The following GRN variants were observed in gnomAD, a reference collection of about 807,000 sequenced individuals.
GRN encodes granulin precursor, also known as progranulin.
A neutral mutation model predicts 66.7 loss-of-function variants in GRN; 30 were observed. The ratio of observed to expected loss-of-function variants is 0.45; its 90% CI spans 0.34 to 0.61. The LOEUF (loss-of-function observed/expected upper bound fraction) is 0.61, where lower values mean the gene tolerates loss of function less well. Ranked by LOEUF, GRN falls within the 20% of genes least tolerant of loss-of-function variation. The pLI is 0.01. For missense variants in GRN, 731 were observed against 803.5 expected, an observed-to-expected ratio of 0.91 and a Z score of 1.09; for synonymous variants, 327 against 311.1, an observed-to-expected ratio of 1.05 and a Z score of -0.54.
chr17:44,346,226 C>T, intron 1 of GRN: 1 of 153,486 alleles, frequency 6.5e-6, no homozygotes, highest in Non-Finnish European at 1.5e-5. Context: ...GTGCCAGCTG[C>T]AGGTGCTTTG....
In GRN at chr17:44,350,500, T is replaced by C. The variant is rs2048362228; in HGVS notation, c.521T>C (p.Val174Ala). Residue 174 changes from valine to alanine, a missense_variant, in exon 6 of 13, where the codon GTT becomes GCT. Transcript: ENST00000053867. ...CCPHGAFCDLVHTRCITPTGT... is the reference protein window; with the variant it reads ...CCPHGAFCDLAHTRCITPTGT... ...CCGCACGGTGCCTTCTGCGACCTGG[T>C]TCACACCCGCTGCATCACACCCACG... The C allele has an allele frequency of 1.9e-6, 3 of 1,613,818 alleles. No homozygotes were observed. The highest frequency in any genetic ancestry group is 2.7e-5 in the African/African-American group (2 of 74,872).
rs1466958461 is a variant in GRN at position 44,352,857 on chromosome 17, C to T, written c.*59C>T. ...CCCCACTCGGAGGGTGCCCTCTGCT[C>T]AGGCCTCCCTAGCACCTCCCCCTAA... On this transcript the variant is annotated 3_prime_UTR_variant, in exon 13 of 13. Coordinates refer to ENST00000053867, the MANE Select transcript of GRN (RefSeq NM_002087.4). The T allele has an allele frequency of 5.8e-6, 9 of 1,543,802 alleles. No individual in the cohort carries two copies. Among genetic ancestry groups the T allele is most frequent in the Non-Finnish European group, 8.0e-6 (9 of 1,128,552 alleles).
chr17:44,348,611 C>T (rs1354541781), intron 1 of GRN, among the ~76,000 whole-genome samples: 1 of 152,220 alleles, frequency 6.6e-6, no homozygotes, highest in Non-Finnish European at 1.5e-5. Context: ...ACAACTTTCT[C>T]ACCCCTGTGG....
rs375066213 is a variant in GRN at position 44,351,606 on chromosome 17, G to A, written c.990G>A (p.Thr330=). The change falls in exon 10 of 13, where the codon ACG becomes ACA. Residue 330 remains threonine, a synonymous_variant. Coordinates refer to ENST00000053867, the MANE Select transcript of GRN (RefSeq NM_002087.4). ...GTCCCGCGGGGTTTACGTGTGACAC[G>A]CAGAAGGGTACCTGTGAACAGGGGC... The part of the protein sequence containing the change: ...HCCPAGFTCD[T]QKGTCEQGPH... The A allele has an allele frequency of 8.7e-6, 14 of 1,613,832 alleles. No homozygotes were observed. The highest frequency in any genetic ancestry group is 3.3e-5 in the South Asian group (3 of 91,084).
At chr17:44,349,870 A>G (rs1211184678) in intron 4 of GRN, 119 bp downstream of exon 4, 1 of 733,450 alleles carries the variant, frequency 1.4e-6, no homozygotes, top group Admixed American at 2.1e-5. Flanking sequence ...TTCATGTGGC[A>G]TCTGTACTAA....
chr17:44,352,113 G>A lies in GRN; in HGVS notation c.1278G>A (p.Leu426=), dbSNP rs910843184. 2 of 1,613,800 alleles carry A rather than the reference G, an allele frequency of 1.2e-6. No homozygotes were observed. Among genetic ancestry groups the A allele is most frequent in the Admixed American group, 3.3e-5 (2 of 60,026 alleles). ...GAGGAAGCGAGATCGTGGCTGGACT[G>A]GAGAAGATGCCTGCCCGCCGGGCTT... ...CQRGSEIVAG[L]EKMPARRASL... Residue 426 remains leucine (L), a synonymous_variant, in exon 11 of 13, where the codon CTG becomes CTA. Transcript: ENST00000053867.
rs63749817 is a variant in GRN at position 44,350,801 on chromosome 17, G to A, written c.708+1G>A. 5.0e-6 allele frequency: 8 copies of A among 1,604,178 alleles called. No homozygotes were observed. Among genetic ancestry groups the A allele is most frequent in the Admixed American group, 1.7e-5 (1 of 59,998 alleles). On this transcript the variant is annotated splice_donor_variant, in intron 7 of 12. Transcript: ENST00000053867. LOFTEE classifies it high-confidence loss of function. ...GTATGGCTGCTGCCCAATGCCCAACGTGAGTGAGGGGCTGGAGCCAGCTTG... is the reference window on the plus strand; with the variant it reads ...GTATGGCTGCTGCCCAATGCCCAACATGAGTGAGGGGCTGGAGCCAGCTTG...
At chr17:44,345,612 G>T (rs1307186727) in intron 1 of GRN, 3 of 152,532 alleles carry the variant, frequency 2.0e-5, no homozygotes, top group African/African-American at 4.8e-5. Flanking sequence ...GTCGGTAGGT[G>T]CTGGCTTCTT....
Position 44,349,419 on chromosome 17 carries a change from T to C in GRN, c.139-7T>C. On this transcript the variant is annotated splice_polypyrimidine_tract_variant and splice_region_variant and intron_variant, in intron 2 of 12. Transcript: ENST00000053867. ...TCTGTGGTTTATCATTTTCCCTGTC[T>C]TTCTAGGACAAATGGCCCACAACAC... is the stretch of plus-strand genomic sequence containing the variant. The C allele has an allele frequency of 6.2e-7, 1 of 1,614,232 alleles. No individual in the cohort carries two copies. Among genetic ancestry groups the C allele is most frequent in the Non-Finnish European group, 8.5e-7 (1 of 1,180,050 alleles).
rs762910178 is a variant in GRN, at chr17:44,351,466, CA to C, written c.933+7del. 50 of 1,606,506 alleles carry C rather than the reference CA, an allele frequency of 3.1e-5. No individual in the cohort carries two copies. Among genetic ancestry groups the C allele is most frequent in the Non-Finnish European group, 3.9e-5 (46 of 1,174,092 alleles). On this transcript the variant is annotated splice_region_variant and intron_variant, in intron 9 of 12. Transcript: ENST00000053867. ...GCTGCTGCCCTTTTACCCAGGTACC[CA>C]GGGGTGGCGGGTGGGTGGGCTGAGC...
intron 4 of GRN, 130 bp from the exon 5 acceptor site, chr17:44,350,098 C>T (rs2048357422): frequency 2.6e-6 from 2 of 769,110 alleles, no homozygotes; most frequent in Non-Finnish European, 4.7e-6. Context: ...TAGGAGATCA[C>T]TGAGCCTTAG....
intron 4 of GRN, 88 bp from the exon 5 acceptor site, chr17:44,350,140 C>T: frequency 1.1e-6 from 1 of 932,866 alleles, no homozygotes; most frequent in Non-Finnish European, 1.8e-6. Context: ...GCTGGGCTTG[C>T]AGGCCCTGGT....
At chr17:44,351,871 G>A in intron 10 of GRN, 76 bp downstream of exon 10, 1 of 1,531,988 alleles carries the variant, frequency 6.5e-7, no homozygotes. Flanking sequence ...CCTCCGCATA[G>A]CCCATAGGTG....
chr17:44,350,830 G>A, intron 7 of GRN, 30 bp downstream of exon 7: 1 of 1,556,810 alleles, frequency 6.4e-7, no homozygotes, highest in Non-Finnish European at 8.9e-7. Context: ...CAGCTTGGCT[G>A]TGTGCCCCCA....
chr17:44,346,390 T>A (rs2048326703), intron 1 of GRN, among the ~76,000 whole-genome samples: 1 of 152,058 alleles, frequency 6.6e-6, no homozygotes, highest in African/African-American at 2.4e-5. Context: ...AGTGACTGGG[T>A]GGGTGAGATT....
At chr17:44,350,905 G>T (rs2048367002) in intron 7 of GRN, 105 bp downstream of exon 7, 1 of 1,409,162 alleles carries the variant, frequency 7.1e-7, no homozygotes. Flanking sequence ...GCTGCTTGCT[G>T]GGAGCCTGGC....
At position 44,350,153 on chromosome 17, in the gene GRN, C is replaced by T. The variant is rs990842239; in HGVS notation, c.350-75C>T. 5.8e-5 allele frequency: 60 copies of T among 1,036,792 alleles called. No individual in the cohort carries two copies. In the East Asian group the frequency reaches 6.2e-4, roughly 11 times the overall value. The allele number at this position is 1,036,792 out of a possible 1,614,324, so 64.2% of individuals were successfully genotyped here. A position where few individuals can be genotyped will look rare whatever the true frequency, so the allele number is the denominator to read the frequency against. The stretch of plus-strand genomic sequence containing the variant: ...TAGCTGGGCTTGCAGGCCCTGGTGC[C>T]ACCAGCTCCTTGTGTGATGGGGGAG... On this transcript the variant is annotated intron_variant, in intron 4 of 12. Coordinates refer to ENST00000053867, the MANE Select transcript of GRN (RefSeq NM_002087.4).
chr17:44,351,983 A>G lies in GRN; in HGVS notation c.1180-32A>G, dbSNP rs575282841. 2.2e-5 allele frequency: 34 copies of G among 1,561,572 alleles called. No individual in the cohort carries two copies. The South Asian group carries it at 3.1e-4, about 14-fold the overall frequency. ...CGGCACTGCGCCCCACATAGTGGCT[A>G]CCTACAACGCCCTTTCCTGCCCACC... On this transcript the variant is annotated intron_variant, in intron 10 of 12. Transcript: ENST00000053867.
intron 1 of GRN, among the ~76,000 whole-genome samples, chr17:44,347,061 A>G (rs1440981662): frequency 1.3e-5 from 2 of 151,966 alleles, no homozygotes; most frequent in African/African-American, 4.8e-5. Flanking sequence ...AGTTCGCAGT[A>G]AGCTGAGATC....
Sources: gnomAD v4.1 joint callset for allele counts (sites outside exome capture counted in the v4.1 genomes callset) on GRCh38, gnomAD v4.1.1 for gene constraint, MANE v1.5 for transcripts, NCBI Gene and HGNC (gene_info 2026-07-23, HGNC 2026-07-21) for gene names.